FSTL5: variants seen among roughly 807,000 people sequenced by gnomAD.
FSTL5 encodes the protein follistatin-related protein 5.
FSTL5 carries 62 observed loss-of-function variants against 89.1 expected under a neutral mutation model. The observed-to-expected ratio is 0.70, with a 90% CI of 0.57 to 0.86. FSTL5 has a LOEUF of 0.86. FSTL5 is among the 40% of genes least tolerant of loss of function. FSTL5 has a pLI of 0.00. For synonymous variants in FSTL5, 383 were observed against 346.2 expected, an observed-to-expected ratio of 1.11 and a Z score of -1.18; for missense variants, 1,057 against 1,001.6, an observed-to-expected ratio of 1.06 and a Z score of -0.75.
chr4:161,767,483 A>C (rs1426278918), intron 5 of FSTL5, among the ~76,000 whole-genome samples: 1 of 152,168 alleles, frequency 6.6e-6, no homozygotes, highest in African/African-American at 2.4e-5. Flanking sequence ...CTTTTCAACC[A>C]CAATTTTCAC....
At chr4:162,085,910 A>T (rs1730299971) in intron 2 of FSTL5, among the ~76,000 whole-genome samples, 1 of 152,060 alleles carries the variant, frequency 6.6e-6, no homozygotes, top group Non-Finnish European at 1.5e-5. Flanking sequence ...AATTTATATC[A>T]CAAACTGTCA....
chr4:162,138,105 A>G (rs1732586753), intron 1 of FSTL5, among the ~76,000 whole-genome samples: 1 of 151,904 alleles, frequency 6.6e-6, no homozygotes, highest in Non-Finnish European at 1.5e-5. Context: ...CAACACCATG[A>G]AAGCAGAAAT....
chr4:161,835,952 G>A (rs1340677679), intron 4 of FSTL5, among the ~76,000 whole-genome samples: 1 of 151,846 alleles, frequency 6.6e-6, no homozygotes, highest in African/African-American at 2.4e-5. Flanking sequence ...TCCCATTACT[G>A]GGTATATACC....
Position 161,782,639 on chromosome 4 carries a change from A to G in FSTL5, c.410-6565T>C, listed in dbSNP as rs1199617014. On this transcript the variant is annotated intron_variant, in intron 4 of 15. Coordinates refer to ENST00000306100, the MANE Select transcript of FSTL5 (RefSeq NM_020116.5). ...AGTGAAAACATGATTAAGTTGATTG[A>G]CATGCTTACTGATTAATTTTGGGAA... 2.0e-5 allele frequency among the ~76,000 whole-genome samples: 3 copies of G among 152,236 alleles called. No homozygotes were observed. The East Asian group carries it at 5.8e-4, about 29-fold the overall frequency.
intron 3 of FSTL5, among the ~76,000 whole-genome samples, chr4:162,013,520 A>G (rs1736829397): frequency 6.6e-6 from 1 of 152,200 alleles, no homozygotes; most frequent in African/African-American, 2.4e-5. Context: ...TTTCTAAAGG[A>G]AAAAGCAGGA....
intron 15 of FSTL5, among the ~76,000 whole-genome samples, chr4:161,451,348 A>G (rs1733157136): frequency 6.6e-6 from 1 of 152,182 alleles, no homozygotes; most frequent in Admixed American, 6.6e-5. Context: ...ACTTTATGAC[A>G]CTGCATGCTT....
At chr4:161,904,636 G>GA (rs56092519) in intron 4 of FSTL5, among the ~76,000 whole-genome samples, 2 of 150,772 alleles carry the variant, frequency 1.3e-5, no homozygotes, top group African/African-American at 2.4e-5. Context: ...AACAAAAACA[G>GA]AAAAAAAATC....
intron 6 of FSTL5, among the ~76,000 whole-genome samples, chr4:161,702,499 C>G (rs887693737): frequency 6.6e-6 from 1 of 152,082 alleles, no homozygotes; most frequent in African/African-American, 2.4e-5. Flanking sequence ...GGGTGCCATA[C>G]CAGGGTATCG....
At chr4:161,389,953 C>A (rs1730765917) in intron 15 of FSTL5, among the ~76,000 whole-genome samples, 2 of 152,100 alleles carry the variant, frequency 1.3e-5, no homozygotes, top group Admixed American at 1.3e-4. Context: ...AATAGTGTTA[C>A]CCAAGTGTGG....
intron 2 of FSTL5, among the ~76,000 whole-genome samples, chr4:162,110,607 T>C (rs1406785189): frequency 6.6e-6 from 1 of 151,814 alleles, no homozygotes; most frequent in African/African-American, 2.4e-5. Flanking sequence ...TTATGAAATT[T>C]TATGTGATTT....
chr4:161,843,436 G>A (rs986816099), intron 4 of FSTL5, among the ~76,000 whole-genome samples: 2 of 152,026 alleles, frequency 1.3e-5, no homozygotes, highest in African/African-American at 4.8e-5. Flanking sequence ...TTATTTCCTT[G>A]AGCAGTAGTT....
In FSTL5 at chr4:161,384,824, T is replaced by G. The variant is rs914795121; in HGVS notation, c.*923A>C. On this transcript the variant is annotated 3_prime_UTR_variant, in exon 16 of 16. Coordinates refer to ENST00000306100, the MANE Select transcript of FSTL5 (RefSeq NM_020116.5). ...TACTTTAGCAGACAAAAGTAATGTTTCTTTTTTAAAACCGAAAGTTCCTGA... is the reference window on the plus strand; with the variant it reads ...TACTTTAGCAGACAAAAGTAATGTTGCTTTTTTAAAACCGAAAGTTCCTGA... The G allele has an allele frequency of 6.6e-6, 1 of 152,174 alleles. No individual in the cohort carries two copies. Among genetic ancestry groups the G allele is most frequent in the Non-Finnish European group, 1.5e-5 (1 of 68,018 alleles). 9.4% of individuals were successfully genotyped at this position (152,174 alleles called of 1,614,324 possible).
At chr4:162,129,783 T>C (rs987452930) in intron 1 of FSTL5, among the ~76,000 whole-genome samples, 3 of 152,218 alleles carry the variant, frequency 2.0e-5, no homozygotes, top group Non-Finnish European at 2.9e-5. Context: ...TTTAAATAAG[T>C]AATCAGAACA....
chr4:161,681,030 A>C (rs138610975), intron 6 of FSTL5, among the ~76,000 whole-genome samples: 77 of 152,196 alleles, frequency 5.1e-4, no homozygotes, highest in Middle Eastern at 3.4e-3. Context: ...TGAATTGCAG[A>C]GTCAAAGCAA....
chr4:162,095,029 C>A (rs1730696396), intron 2 of FSTL5, among the ~76,000 whole-genome samples: 1 of 152,132 alleles, frequency 6.6e-6, no homozygotes, highest in East Asian at 1.9e-4. Flanking sequence ...ATGGCCAACA[C>A]ATGATTTAAA....
At chr4:161,679,167 C>T (rs1007179752) in intron 6 of FSTL5, among the ~76,000 whole-genome samples, 1 of 151,394 alleles carries the variant, frequency 6.6e-6, no homozygotes, top group Non-Finnish European at 1.5e-5. Flanking sequence ...AATTGGAAAA[C>T]TTATAGGATA....
intron 5 of FSTL5, among the ~76,000 whole-genome samples, chr4:161,762,354 C>T (rs573622727): frequency 6.6e-6 from 1 of 152,160 alleles, no homozygotes; most frequent in African/African-American, 2.4e-5. Context: ...TTCCTCAGTC[C>T]ACAGTAACCA....
intron 6 of FSTL5, among the ~76,000 whole-genome samples, chr4:161,703,523 T>C (rs1738473269): frequency 1.3e-5 from 2 of 152,188 alleles, no homozygotes; most frequent in South Asian, 4.1e-4. Context: ...AAACTTACAC[T>C]CTCTCTCCCT....
At chr4:161,467,008 C>T (rs1441985881) in intron 13 of FSTL5, among the ~76,000 whole-genome samples, 3 of 151,878 alleles carry the variant, frequency 2.0e-5, no homozygotes, top group Non-Finnish European at 4.4e-5. Flanking sequence ...CAAAAACATG[C>T]AAAAATCAGA....
Sources: allele counts gnomAD v4.1 joint callset (sites outside exome capture counted in the v4.1 genomes callset), GRCh38; gene constraint gnomAD v4.1.1; transcripts MANE v1.5; gene names NCBI Gene and HGNC (gene_info 2026-07-23, HGNC 2026-07-21).